ABCC1: variants seen among roughly 807,000 people sequenced by gnomAD.
The protein encoded by ABCC1 is multidrug resistance-associated protein 1.
ABCC1 carries 83 observed loss-of-function variants against 172.9 expected under a neutral mutation model. The ratio of observed to expected loss-of-function variants is 0.48; its 90% CI spans 0.40 to 0.58. The LOEUF is 0.58. Ranked by LOEUF, ABCC1 falls within the 20% of genes least tolerant of loss-of-function variation. The probability of loss-of-function intolerance (pLI) is 0.00; values close to 1 mark genes in which losing one functional copy is unlikely to be tolerated. For synonymous variants in ABCC1, 937 were observed against 825.2 expected (o/e 1.14, Z -2.32); for missense variants, 1,817 against 2,002.7 (o/e 0.91, Z 1.77).
Position 16,141,722 on chromosome 16 carries a change from T to G in ABCC1, c.*441T>G, listed in dbSNP as rs950667276. ...TGCAAGTCTTTGAGATGCTTCTGGC[T>G]CCCATCACCTCTAACATCCTTGTCT... On this transcript the variant is annotated 3_prime_UTR_variant, in exon 31 of 31. Coordinates refer to ENST00000399410, the MANE Select transcript of ABCC1 (RefSeq NM_004996.4). 2.3e-5 allele frequency: 4 copies of G among 173,386 alleles called. No individual in the cohort carries two copies. The highest frequency in any genetic ancestry group is 4.9e-5 in the Non-Finnish European group (4 of 81,536). 10.7% of individuals were successfully genotyped at this position (173,386 alleles called of 1,614,324 possible).
chr16:16,066,370 G>A (rs1300347567), intron 12 of ABCC1, among the ~76,000 whole-genome samples: 2 of 151,538 alleles, frequency 1.3e-5, no homozygotes, highest in African/African-American at 4.8e-5. Context: ...TAGTAGAGAC[G>A]GAGTTTCTCC....
At chr16:15,978,423 G>T (rs1377058828) in intron 1 of ABCC1, among the ~76,000 whole-genome samples, 1 of 152,176 alleles carries the variant, frequency 6.6e-6, no homozygotes, top group African/African-American at 2.4e-5. Flanking sequence ...TGTCCTTGCT[G>T]TATGAATGAG....
In ABCC1 at chr16:16,068,712, C is replaced by T. The variant is rs117731580; in HGVS notation, c.1824+410C>T. 1.3e-3 allele frequency among the ~76,000 whole-genome samples: 199 copies of T among 152,208 alleles called. 4 individuals carry two copies. In the East Asian group the frequency reaches 0.035, roughly 26 times the overall value. On this transcript the variant is annotated intron_variant, in intron 13 of 30. Coordinates refer to ENST00000399410, the MANE Select transcript of ABCC1 (RefSeq NM_004996.4). ...GAGAAACCCCAACCTTACAGCCGGG[C>T]GCGGCGGCTCATGCCTGTATTCCCA...
intron 1 of ABCC1, among the ~76,000 whole-genome samples, chr16:15,957,651 A>G (rs1448156781): frequency 6.6e-6 from 1 of 152,308 alleles, no homozygotes; most frequent in Non-Finnish European, 1.5e-5. Flanking sequence ...GCTGGAGTGC[A>G]GTGGCACGAT....
At chr16:15,968,194 C>T (rs944381368) in intron 1 of ABCC1, among the ~76,000 whole-genome samples, 1 of 151,918 alleles carries the variant, frequency 6.6e-6, no homozygotes, top group African/African-American at 2.4e-5. Flanking sequence ...ACCACCATGC[C>T]CGGCTAATTT....
At chr16:16,010,616 G>A (rs1276341910) in intron 3 of ABCC1, among the ~76,000 whole-genome samples, 1 of 152,176 alleles carries the variant, frequency 6.6e-6, no homozygotes, top group African/African-American at 2.4e-5. Flanking sequence ...GAGTGACAGA[G>A]ACAAGGAAAC....
chr16:16,083,270 G>C, intron 16 of ABCC1, 96 bp from the exon 17 acceptor site: 5 of 1,238,250 alleles, frequency 4.0e-6, no homozygotes, highest in Non-Finnish European at 5.8e-6. Context: ...GACTTGTGAA[G>C]TGAGGCCCTC....
intron 12 of ABCC1, among the ~76,000 whole-genome samples, chr16:16,062,891 C>A (rs2049974397): frequency 6.6e-6 from 1 of 152,126 alleles, no homozygotes; most frequent in Non-Finnish European, 1.5e-5. Context: ...AATGCACTTT[C>A]CTAAAATAGC....
At chr16:16,022,556 C>T (rs1310503610) in intron 5 of ABCC1, among the ~76,000 whole-genome samples, 1 of 152,152 alleles carries the variant, frequency 6.6e-6, no homozygotes, top group African/African-American at 2.4e-5. Context: ...CCCCCGGAAG[C>T]TTGCTAGAAA....
Position 15,991,315 on chromosome 16 carries a change from T to C in ABCC1, c.49-16501T>C, listed in dbSNP as rs1328455685. Among the ~76,000 whole-genome samples, 4 of 151,888 alleles carry C rather than the reference T, an allele frequency of 2.6e-5. No homozygotes were observed. In the East Asian group the frequency reaches 7.7e-4, roughly 29 times the overall value. On this transcript the variant is annotated intron_variant, in intron 1 of 30. Coordinates refer to ENST00000399410, the MANE Select transcript of ABCC1 (RefSeq NM_004996.4). ...GGTGCGGGGGGCTATGGGTATGTGG[T>C]GGGGTGAATCTTATTTCTCTTCTTT... is the stretch of plus-strand genomic sequence containing the variant.
chr16:16,134,136 T>C (rs755708181), intron 27 of ABCC1, among the ~76,000 whole-genome samples: 1 of 152,176 alleles, frequency 6.6e-6, no homozygotes. Context: ...GTCATTCCTT[T>C]TGGGAGCCTG....
intron 1 of ABCC1, among the ~76,000 whole-genome samples, chr16:15,984,529 G>A (rs1372471900): frequency 2.7e-5 from 4 of 147,822 alleles, no homozygotes; most frequent in Middle Eastern, 3.3e-3. Context: ...TGCATCCTCC[G>A]CTTCCCAGTT....
intron 16 of ABCC1, among the ~76,000 whole-genome samples, chr16:16,081,012 C>A (rs2050785414): frequency 6.6e-6 from 1 of 152,054 alleles, no homozygotes; most frequent in South Asian, 2.1e-4. Context: ...TTATAGGCAC[C>A]CACCATTACT....
chr16:16,039,715 T>C (rs574025616), intron 7 of ABCC1, among the ~76,000 whole-genome samples: 1 of 152,252 alleles, frequency 6.6e-6, no homozygotes, highest in Non-Finnish European at 1.5e-5. Context: ...TTGAAGTGTT[T>C]TTGTTCAACA....
chr16:16,140,806 G>A lies in ABCC1; in HGVS notation c.4488-367G>A, dbSNP rs546720974. Among the ~76,000 whole-genome samples, 3 of 152,346 alleles carry A rather than the reference G, an allele frequency of 2.0e-5. No homozygotes were observed. In the East Asian group the frequency reaches 5.8e-4, roughly 29 times the overall value. On this transcript the variant is annotated intron_variant, in intron 30 of 30. Transcript: ENST00000399410. ...TAACAGAAAGCATATGGCCTGCAGA[G>A]CCTCAAGTATTTACTATCTGGCCTT...
At chr16:16,136,807 G>A (rs1487093752) in intron 29 of ABCC1, among the ~76,000 whole-genome samples, 163 bp downstream of exon 29, 1 of 152,120 alleles carries the variant, frequency 6.6e-6, no homozygotes, top group Admixed American at 6.6e-5. Flanking sequence ...TCTGTAAAAC[G>A]GGTCTCAATC....
At chr16:16,036,438 C>T (rs756032851) in intron 6 of ABCC1, 34 bp from the exon 7 acceptor site, 3 of 1,596,966 alleles carry the variant, frequency 1.9e-6, no homozygotes, top group South Asian at 2.2e-5. Flanking sequence ...GTCATTGACT[C>T]TCATTGCCTA....
intron 6 of ABCC1, among the ~76,000 whole-genome samples, chr16:16,034,184 T>C (rs246236): frequency 0.62 from 94,320 of 151,250 alleles, 30,247 homozygotes; most frequent in East Asian, 0.74. Context: ...CACTCCCCCA[T>C]GCCCAGCAGA....
intron 19 of ABCC1, among the ~76,000 whole-genome samples, chr16:16,093,863 G>A (rs1392579038): frequency 6.6e-6 from 1 of 152,108 alleles, no homozygotes; most frequent in Non-Finnish European, 1.5e-5. Flanking sequence ...GAATCCTTGA[G>A]GGGGGATGGG....
Sources: allele counts gnomAD v4.1 joint callset (sites outside exome capture counted in the v4.1 genomes callset), GRCh38; gene constraint gnomAD v4.1.1; transcripts MANE v1.5; gene names NCBI Gene and HGNC (gene_info 2026-07-23, HGNC 2026-07-21).